Variants in CMSS1 observed in about 807,000 individuals in gnomAD.
CMSS1 encodes the protein protein CMSS1.
CMSS1 carries 33 observed loss-of-function variants against 43.5 expected under a neutral mutation model. That is an observed-to-expected ratio of 0.76 (90% CI 0.57 to 1.01). The LOEUF (loss-of-function observed/expected upper bound fraction) is 1.01, where lower values mean the gene tolerates loss of function less well. Ranked by LOEUF, CMSS1 falls within the 50% of genes least tolerant of loss-of-function variation. CMSS1 has a pLI of 0.00. For missense variants in CMSS1, 313 were observed against 326.4 expected (o/e 0.96, Z 0.32); for synonymous variants, 115 against 117.2 (o/e 0.98, Z 0.12).
intron 1 of CMSS1, chr3:99,849,618 C>G: frequency 6.2e-7 from 1 of 1,613,402 alleles, no homozygotes; most frequent in Non-Finnish European, 8.5e-7. Context: ...CTAACTTGTA[C>G]TTAGCAAGTT....
intron 1 of CMSS1, among the ~76,000 whole-genome samples, chr3:99,889,168 A>G (rs950450770): frequency 2.0e-5 from 3 of 152,168 alleles, no homozygotes; most frequent in South Asian, 2.1e-4. Context: ...ACTGATTTTT[A>G]TCTGCTTGGT....
At chr3:99,850,865 G>A (rs1576511779) in intron 1 of CMSS1, 1 of 1,614,142 alleles carries the variant, frequency 6.2e-7, no homozygotes, top group Non-Finnish European at 8.5e-7. Context: ...AGTTTGGTAT[G>A]TGTTTCCTTT....
chr3:100,064,423 C>T (rs2065627563), intron 1 of CMSS1, among the ~76,000 whole-genome samples: 1 of 151,948 alleles, frequency 6.6e-6, no homozygotes, highest in Non-Finnish European at 1.5e-5. Flanking sequence ...ACATTAAAGC[C>T]ACTCATTCAA....
intron 1 of CMSS1, among the ~76,000 whole-genome samples, chr3:100,127,388 A>G (rs776544166): frequency 1.3e-5 from 2 of 152,178 alleles, no homozygotes; most frequent in Admixed American, 1.3e-4. Flanking sequence ...CTTACAGCAC[A>G]TAGAGACAAT....
At chr3:100,089,981 T>C (rs1252237571) in intron 1 of CMSS1, among the ~76,000 whole-genome samples, 1 of 152,218 alleles carries the variant, frequency 6.6e-6, no homozygotes, top group African/African-American at 2.4e-5. Context: ...AGTACACTCA[T>C]CTTCCCTACT....
chr3:100,134,752 G>A (rs985366327), intron 1 of CMSS1, among the ~76,000 whole-genome samples: 16 of 152,188 alleles, frequency 1.1e-4, no homozygotes, highest in African/African-American at 3.9e-4. Flanking sequence ...CCGGCCACAT[G>A]TAGATGAATG....
chr3:100,158,928 G>A (rs538082013), intron 2 of CMSS1, among the ~76,000 whole-genome samples: 55 of 152,250 alleles, frequency 3.6e-4, no homozygotes, highest in African/African-American at 1.3e-3. Flanking sequence ...TTCTAAATAC[G>A]CTTCCCAAAA....
chr3:99,927,981 A>C (rs887507222), intron 1 of CMSS1, among the ~76,000 whole-genome samples: 2 of 152,234 alleles, frequency 1.3e-5, no homozygotes, highest in African/African-American at 4.8e-5. Context: ...AATCACCTCT[A>C]GTTTACCCTA....
intron 1 of CMSS1, among the ~76,000 whole-genome samples, chr3:100,124,437 G>A (rs1397975381): frequency 1.3e-5 from 2 of 152,200 alleles, no homozygotes; most frequent in African/African-American, 4.8e-5. Flanking sequence ...TTCACAGTGA[G>A]TAGATTTAGG....
intron 1 of CMSS1, among the ~76,000 whole-genome samples, chr3:99,950,605 G>A (rs944235335): frequency 6.6e-6 from 1 of 152,170 alleles, no homozygotes; most frequent in African/African-American, 2.4e-5. Flanking sequence ...TTCCCAGCAG[G>A]AAGTGGCCCA....
intron 1 of CMSS1, among the ~76,000 whole-genome samples, chr3:99,944,958 A>G (rs1231254018): frequency 6.6e-6 from 1 of 152,208 alleles, no homozygotes; most frequent in Admixed American, 6.5e-5. Flanking sequence ...CTTCTTCACT[A>G]CTGTTCATTA....
intron 7 of CMSS1, 30 bp downstream of exon 7, chr3:100,171,929 G>C (rs1379774849): frequency 1.9e-6 from 3 of 1,558,256 alleles, no homozygotes; most frequent in East Asian, 4.5e-5. Context: ...ATCCCTAAAG[G>C]CCTCTCCCAG....
chr3:100,036,431 T>C (rs956405983), intron 1 of CMSS1, among the ~76,000 whole-genome samples: 1 of 152,138 alleles, frequency 6.6e-6, no homozygotes, highest in Non-Finnish European at 1.5e-5. Flanking sequence ...ACTGGCCTAA[T>C]CTGAAACAAC....
chr3:100,095,867 C>T (rs1044174960), intron 1 of CMSS1, among the ~76,000 whole-genome samples: 3 of 152,058 alleles, frequency 2.0e-5, no homozygotes, highest in Admixed American at 2.0e-4. Flanking sequence ...TTGCAAACTA[C>T]CCATCTGACA....
chr3:99,825,968 G>A (rs1306691749), intron 1 of CMSS1, among the ~76,000 whole-genome samples: 2 of 151,494 alleles, frequency 1.3e-5, no homozygotes, highest in Non-Finnish European at 2.9e-5. Context: ...TAGTAGAGGG[G>A]GGTTTCACCA....
At chr3:99,976,448 C>A (rs905567971) in intron 1 of CMSS1, among the ~76,000 whole-genome samples, 4 of 152,140 alleles carry the variant, frequency 2.6e-5, no homozygotes, top group Non-Finnish European at 4.4e-5. Flanking sequence ...AGTAACCCCC[C>A]AAGAGAATTG....
chr3:99,884,171 T>C (rs1004062316), intron 1 of CMSS1, among the ~76,000 whole-genome samples: 1 of 152,172 alleles, frequency 6.6e-6, no homozygotes, highest in African/African-American at 2.4e-5. Flanking sequence ...TGGGAAAAGC[T>C]CAAGCCAGAA....
At chr3:99,878,326 A>G (rs749833934) in intron 1 of CMSS1, among the ~76,000 whole-genome samples, 3 of 152,202 alleles carry the variant, frequency 2.0e-5, no homozygotes, top group Non-Finnish European at 4.4e-5. Context: ...TTCACAACAC[A>G]TTTTGATGTG....
chr3:100,167,030 G>A (rs556470309), intron 5 of CMSS1, among the ~76,000 whole-genome samples: 5 of 152,242 alleles, frequency 3.3e-5, no homozygotes, highest in African/African-American at 1.2e-4. Context: ...TTACAGGCAT[G>A]AGCTACTGTG....
Sources: gnomAD v4.1 joint callset for allele counts (sites outside exome capture counted in the v4.1 genomes callset) on GRCh38, gnomAD v4.1.1 for gene constraint, MANE v1.5 for transcripts, NCBI Gene and HGNC (gene_info 2026-07-23, HGNC 2026-07-21) for gene names.